The following PSD2 variants were observed in gnomAD, a reference collection of about 807,000 sequenced individuals.
PSD2 encodes pleckstrin and Sec7 domain containing 2.
Under a neutral mutation model 69.8 loss-of-function variants are expected in PSD2, and 38 were observed. That is an observed-to-expected ratio of 0.54 (90% CI 0.42 to 0.71). PSD2 has a LOEUF of 0.71. PSD2 is among the 30% of genes least tolerant of loss of function. The pLI, the probability that PSD2 is intolerant of heterozygous loss-of-function variation, is 0.00. For synonymous variants in PSD2, 412 were observed against 423.0 expected (o/e 0.97, Z 0.32); for missense variants, 943 against 1,014.5 (o/e 0.93, Z 0.96).
chr5:139,751,271 T>G, the PSD2 span, among the ~76,000 whole-genome samples: 5 of 152,162 alleles, frequency 3.3e-5, no homozygotes, highest in African/African-American at 1.2e-4. Context: ...AGGTGGCCAG[T>G]ATCCTTGGGA....
At chr5:139,756,597 T>C in the PSD2 span, among the ~76,000 whole-genome samples, 1 of 152,052 alleles carries the variant, frequency 6.6e-6, no homozygotes, top group Non-Finnish European at 1.5e-5. Context: ...GGGACCAGCT[T>C]GGGCACAGGC....
At chr5:139,821,177 C>T (rs1397851235) in intron 5 of PSD2, among the ~76,000 whole-genome samples, 2 of 152,172 alleles carry the variant, frequency 1.3e-5, no homozygotes, top group East Asian at 1.9e-4. Context: ...GGGTGATCTG[C>T]CCAACTCGGC....
chr5:139,762,603 G>C, the PSD2 span, among the ~76,000 whole-genome samples: 1 of 152,228 alleles, frequency 6.6e-6, no homozygotes, highest in Non-Finnish European at 1.5e-5. Flanking sequence ...GTACCAGGTT[G>C]CTTGTTGAGG....
At chr5:139,772,226 C>T in the PSD2 span, among the ~76,000 whole-genome samples, 5 of 152,166 alleles carry the variant, frequency 3.3e-5, no homozygotes, top group African/African-American at 1.2e-4. Context: ...GATCCCTCCT[C>T]CCGCTCTATG....
chr5:139,821,083 C>T (rs1343637852), intron 5 of PSD2, among the ~76,000 whole-genome samples: 1 of 152,148 alleles, frequency 6.6e-6, no homozygotes, highest in African/African-American at 2.4e-5. Flanking sequence ...CAGGCATGCG[C>T]CACCACACCT....
At position 139,837,618 on chromosome 5, in the gene PSD2, C is replaced by T; in HGVS notation, c.1666-7C>T. ...TGACCCTAGCTCGCCCATCCTGCCC[C>T]ACCCAGGATGAGTACAGGCCTGACA... On this transcript the variant is annotated splice_polypyrimidine_tract_variant and splice_region_variant and intron_variant, in intron 11 of 14. Coordinates refer to ENST00000274710, the MANE Select transcript of PSD2 (RefSeq NM_032289.4). This position sits in a 1 kb window ranked among gnomAD's most constrained non-coding sequence, Gnocchi z 5.0. The T allele has an allele frequency of 6.3e-7, 1 of 1,590,870 alleles. No individual in the cohort carries two copies. The highest frequency in any genetic ancestry group is 8.6e-7 in the Non-Finnish European group (1 of 1,162,686).
the PSD2 span, among the ~76,000 whole-genome samples, chr5:139,742,739 C>T: frequency 6.6e-6 from 1 of 152,154 alleles, no homozygotes; most frequent in East Asian, 1.9e-4. Context: ...TGTGAGTGTG[C>T]CACATTGTGT....
In PSD2 at chr5:139,842,398, A is replaced by G. The variant is rs1426525476; in HGVS notation, c.2240A>G (p.His747Arg). ...EGDDPSLRKT[H>R]SSPALSQGHV... is the part of the protein sequence containing the mutation. The stretch of plus-strand genomic sequence containing the variant: ...GATGACCCTTCTCTCCGGAAGACAC[A>G]TTCAAGCCCTGCCCTCAGCCAGGGC... Residue 747 changes from histidine to arginine, a missense_variant, in exon 15 of 15, where the codon CAT (histidine) becomes CGT (arginine). Physicochemically the swap from His to Arg is conservative, Grantham distance 29 (BLOSUM62 0). Transcript: ENST00000274710. The G allele has an allele frequency of 2.5e-6, 4 of 1,614,046 alleles. No homozygotes were observed. Among genetic ancestry groups the G allele is most frequent in the Non-Finnish European group, 2.5e-6 (3 of 1,180,028 alleles).
the PSD2 span, among the ~76,000 whole-genome samples, chr5:139,777,423 G>A: frequency 6.6e-6 from 1 of 152,192 alleles, no homozygotes; most frequent in Admixed American, 6.5e-5. Context: ...CAAAGCTGGT[G>A]GGAGGGAGGC....
the PSD2 span, among the ~76,000 whole-genome samples, chr5:139,756,360 G>A: frequency 1.3e-5 from 2 of 152,258 alleles, no homozygotes; most frequent in Admixed American, 1.3e-4. Flanking sequence ...AGGGAGTGGG[G>A]TTGGGGAGCA....
At chr5:139,822,819 C>T (rs374129282) in intron 7 of PSD2, 35 bp downstream of exon 7, 295 of 1,579,524 alleles carry the variant, frequency 1.9e-4, no homozygotes, top group Non-Finnish European at 2.4e-4. Flanking sequence ...TGTCGCATGT[C>T]CTCTCAGGGA....
chr5:139,804,962 T>C (rs892435895), intron 1 of PSD2, among the ~76,000 whole-genome samples: 2 of 151,330 alleles, frequency 1.3e-5, no homozygotes, highest in Non-Finnish European at 2.9e-5. Context: ...CGTGTGTATG[T>C]GTGCGTGTGT....
At chr5:139,804,974 C>T (rs549388942) in intron 1 of PSD2, among the ~76,000 whole-genome samples, 8 of 145,922 alleles carry the variant, frequency 5.5e-5, no homozygotes, top group Admixed American at 3.4e-4. Flanking sequence ...TGCGTGTGTG[C>T]GTGCGTGTGT....
the PSD2 span, among the ~76,000 whole-genome samples, chr5:139,756,715 G>C: frequency 6.6e-6 from 1 of 152,190 alleles, no homozygotes; most frequent in East Asian, 1.9e-4. Flanking sequence ...GAGCAATGGA[G>C]GGGCTTGAGA....
At chr5:139,794,786 C>T (rs191132565), upstream of PSD2, among the ~76,000 whole-genome samples, 529 of 152,308 alleles carry the variant, frequency 3.5e-3, 1 homozygote, top group African/African-American at 0.012. Flanking sequence ...CTGCTCCCCA[C>T]GCCCTCCTTA....
At chr5:139,810,378 C>T (rs1010259393) in intron 2 of PSD2, among the ~76,000 whole-genome samples, 3 of 152,222 alleles carry the variant, frequency 2.0e-5, no homozygotes, top group South Asian at 2.1e-4. Flanking sequence ...ACAAGCAGGG[C>T]AGGGAAGGGA....
At chr5:139,758,062 CA>C in the PSD2 span, among the ~76,000 whole-genome samples, 18 of 152,022 alleles carry the variant, frequency 1.2e-4, no homozygotes, top group Admixed American at 2.0e-4. Flanking sequence ...CGAAACGAAA[CA>C]AAAAAACCAA....
At chr5:139,757,062 A>AG in the PSD2 span, among the ~76,000 whole-genome samples, 2 of 152,202 alleles carry the variant, frequency 1.3e-5, no homozygotes, top group Admixed American at 6.5e-5. Flanking sequence ...CAGGGTAGTG[A>AG]GGGGCATGGC....
intron 2 of PSD2, among the ~76,000 whole-genome samples, chr5:139,810,882 A>C (rs1432941814): frequency 6.6e-6 from 1 of 151,664 alleles, no homozygotes; most frequent in African/African-American, 2.4e-5. Flanking sequence ...GGGCAGTTGG[A>C]GGCTTGCAGA....
Sources: allele counts gnomAD v4.1 joint callset (sites outside exome capture counted in the v4.1 genomes callset), GRCh38; gene constraint gnomAD v4.1.1; non-coding constraint Gnocchi (gnomAD v3.1); transcripts MANE v1.5; gene names NCBI Gene and HGNC (gene_info 2026-07-23, HGNC 2026-07-21).